The following PRR11 variants were observed in gnomAD, a reference collection of about 807,000 sequenced individuals.
The protein encoded by PRR11 is proline-rich protein 11.
PRR11 carries 30 observed loss-of-function variants against 45.6 expected under a neutral mutation model. The observed-to-expected ratio is 0.66, with a 90% confidence interval of 0.49 to 0.89. The LOEUF (loss-of-function observed/expected upper bound fraction) is 0.89, where lower values mean the gene tolerates loss of function less well. Ranked by LOEUF, PRR11 falls within the 40% of genes least tolerant of loss-of-function variation. The pLI is 0.00. For synonymous variants in PRR11, 128 were observed against 153.5 expected (o/e 0.83, Z 1.23); for missense variants, 373 against 424.8 (o/e 0.88, Z 1.07).
chr17:59,181,732 G>A (rs2046787788), intron 2 of PRR11: 4 of 1,557,022 alleles, frequency 2.6e-6, no homozygotes, highest in South Asian at 1.1e-5. Flanking sequence ...TGGGAGGCTG[G>A]GATCTACCCC....
At chr17:59,163,430 T>C (rs1371148484) in intron 1 of PRR11, among the ~76,000 whole-genome samples, 1 of 152,230 alleles carries the variant, frequency 6.6e-6, no homozygotes, top group Admixed American at 6.5e-5. Flanking sequence ...CATTTAGTGC[T>C]ACTAAGATTA....
chr17:59,174,391 C>T (rs181452387), intron 2 of PRR11, among the ~76,000 whole-genome samples: 1 of 152,326 alleles, frequency 6.6e-6, no homozygotes, highest in African/African-American at 2.4e-5. Flanking sequence ...GTTAGCTGCA[C>T]AAGATGTGAA....
chr17:59,190,555 G>T (rs1296298530), intron 4 of PRR11, among the ~76,000 whole-genome samples: 2 of 152,162 alleles, frequency 1.3e-5, no homozygotes, highest in East Asian at 3.8e-4. Flanking sequence ...CTAGAAGGCT[G>T]TATCAGTCAA....
At chr17:59,182,389 C>CTTTTTT (rs147890743) in intron 2 of PRR11, among the ~76,000 whole-genome samples, 8 of 107,360 alleles carry the variant, frequency 7.5e-5, no homozygotes, top group African/African-American at 1.6e-4. Flanking sequence ...TCTGACCCTT[C>CTTTTTT]TTTTTTTTTT....
intron 4 of PRR11, among the ~76,000 whole-genome samples, chr17:59,188,208 C>G (rs2046823345): frequency 6.6e-6 from 1 of 152,030 alleles, no homozygotes; most frequent in Admixed American, 6.6e-5. Flanking sequence ...CTGCCACACA[C>G]AAAAAACAGA....
intron 2 of PRR11, among the ~76,000 whole-genome samples, chr17:59,183,183 T>C (rs1301247644): frequency 1.3e-5 from 2 of 152,204 alleles, no homozygotes; most frequent in African/African-American, 2.4e-5. Flanking sequence ...CTCCTGCCAC[T>C]GTCCCAACCT....
chr17:59,195,373 T>C lies in PRR11; in HGVS notation c.787T>C (p.Ser263Pro). ...PKARNPLVTVSDLQHVTLKPN... is the reference protein window; with the variant it reads ...PKARNPLVTVPDLQHVTLKPN... Reference sequence around the variant, plus strand: ...AGCACGGAATCCACTAGTTACCGTCTCTGACTTGCAGCATGTTACCCTGAA... The same window carrying C: ...AGCACGGAATCCACTAGTTACCGTCCCTGACTTGCAGCATGTTACCCTGAA... The change falls in exon 7 of 10, where the codon TCT becomes CCT. Residue 263 changes from serine (S) to proline (P), a missense_variant. By Grantham distance (74) the Ser-to-Pro change is moderately conservative. Transcript: ENST00000262293. 6.2e-7 allele frequency: 1 copy of C among 1,614,100 alleles called. No homozygotes were observed. Among genetic ancestry groups the C allele is most frequent in the Non-Finnish European group, 8.5e-7 (1 of 1,179,972 alleles).
In PRR11 at chr17:59,197,799, T is replaced by C. The variant is rs577741197; in HGVS notation, c.1014+10T>C. 4.4e-6 allele frequency: 7 copies of C among 1,607,154 alleles called. No individual in the cohort carries two copies. Among genetic ancestry groups the C allele is most frequent in the Admixed American group, 3.3e-5 (2 of 59,986 alleles). ...AAGGAGAAAGTTTCAGGTAACCCTT[T>C]AGGAAAAGAATATTGGTTCCTTTGC... On this transcript the variant is annotated intron_variant, in intron 9 of 9. Coordinates refer to ENST00000262293, the MANE Select transcript of PRR11 (RefSeq NM_018304.4).
chr17:59,171,562 C>G (rs932166975), intron 2 of PRR11, among the ~76,000 whole-genome samples: 6 of 152,014 alleles, frequency 3.9e-5, no homozygotes, highest in African/African-American at 9.7e-5. Flanking sequence ...AGCTATGACA[C>G]CCATCTCACA....
chr17:59,189,161 G>A lies in PRR11; in HGVS notation c.402+3599G>A, dbSNP rs541789485. Among the ~76,000 whole-genome samples the A allele has an allele frequency of 6.6e-5, 10 of 151,136 alleles. No individual in the cohort carries two copies. The South Asian group carries it at 1.5e-3, about 22-fold the overall frequency. On this transcript the variant is annotated intron_variant, in intron 4 of 9. Transcript: ENST00000262293. ...TAAAAAACACAAAAATTAGCTGGGCGTGGTGGCGCATGTCCATAGTCCCAG... is the reference window on the plus strand; with the variant it reads ...TAAAAAACACAAAAATTAGCTGGGCATGGTGGCGCATGTCCATAGTCCCAG...
chr17:59,181,640 G>T, intron 2 of PRR11: 1 of 1,501,974 alleles, frequency 6.7e-7, no homozygotes, highest in Non-Finnish European at 9.1e-7. Context: ...TCAGGGGCGA[G>T]CTCCTTCTCT....
chr17:59,178,347 G>T (rs1430304630), intron 2 of PRR11: 1 of 412,252 alleles, frequency 2.4e-6, no homozygotes, highest in East Asian at 5.9e-5. Flanking sequence ...AAGAAAAGAA[G>T]ACTGTGGGAG....
chr17:59,163,180 T>C (rs2147833153), intron 1 of PRR11, among the ~76,000 whole-genome samples: 1 of 152,200 alleles, frequency 6.6e-6, no homozygotes, highest in Non-Finnish European at 1.5e-5. Flanking sequence ...AACCTCTGCC[T>C]CCCGGGTTCA....
At chr17:59,181,951 A>G (rs544971327) in intron 2 of PRR11, among the ~76,000 whole-genome samples, 23 of 150,740 alleles carry the variant, frequency 1.5e-4, no homozygotes, top group Non-Finnish European at 2.5e-4. Flanking sequence ...CTCTGTCCTC[A>G]GAACACTTCT....
chr17:59,195,480 T>A (rs757176026), intron 7 of PRR11, 37 bp downstream of exon 7: 6 of 1,317,902 alleles, frequency 4.6e-6, no homozygotes, highest in Non-Finnish European at 6.5e-6. Context: ...TACTACTACT[T>A]AAAAGAATGA....
chr17:59,193,640 TTCC>T lies in PRR11; in HGVS notation c.564_566del (p.Pro192del), dbSNP rs772015805. 7 of 1,613,794 alleles carry T rather than the reference TTCC, an allele frequency of 4.3e-6. No individual in the cohort carries two copies. In the East Asian group the frequency reaches 6.7e-5, roughly 15 times the overall value. ...ACACTGCCACAGCCAGCCAGCCATT[TTCC>T]TCCTCCTCCTCCACCTCCACCTCTG... On this transcript the variant is annotated inframe_deletion, in exon 5 of 10. Coordinates refer to ENST00000262293, the MANE Select transcript of PRR11 (RefSeq NM_018304.4).
chr17:59,165,325 TTTTG>T (rs1189630099), intron 1 of PRR11, among the ~76,000 whole-genome samples: 7 of 150,628 alleles, frequency 4.6e-5, no homozygotes, highest in Non-Finnish European at 1.0e-4. Flanking sequence ...TCCGGTCTGG[TTTTG>T]TTTGTTTATG....
rs2071386242 is a variant in PRR11, at chr17:59,205,156, T to C, written c.*3525T>C. Among the ~76,000 whole-genome samples, 1 of 152,232 alleles carries C rather than the reference T, an allele frequency of 6.6e-6. No homozygotes were observed. Among genetic ancestry groups the C allele is most frequent in the South Asian group, 2.1e-4 (1 of 4,832 alleles). ...CCATTGTACCAGTGTTAAACTGTGTTCTACCTTGCATCTTTTACTGATTTT... is the reference window on the plus strand; with the variant it reads ...CCATTGTACCAGTGTTAAACTGTGTCCTACCTTGCATCTTTTACTGATTTT... On this transcript the variant is annotated 3_prime_UTR_variant, in exon 10 of 10. Transcript: ENST00000262293.
intron 4 of PRR11, 145 bp from the exon 5 acceptor site, chr17:59,193,347 T>C (rs1470127134): frequency 9.5e-7 from 1 of 1,056,500 alleles, no homozygotes; most frequent in Non-Finnish European, 1.3e-6. Flanking sequence ...TGAAGAAACT[T>C]ATGATTATAA....
Sources: gnomAD v4.1 joint callset for allele counts (sites outside exome capture counted in the v4.1 genomes callset) on GRCh38, gnomAD v4.1.1 for gene constraint, MANE v1.5 for transcripts, NCBI Gene and HGNC (gene_info 2026-07-23, HGNC 2026-07-21) for gene names.